The following LINC00632 variants were observed in gnomAD, a reference collection of about 807,000 sequenced individuals.
The protein encoded by LINC00632 is long independently transcribed non-coding RNA 632, also known as ALDOA related specific transcript.
intron 3 of LINC00632, among the ~76,000 whole-genome samples, chrX:140,748,890 A>T (rs199565902): frequency 2.1e-5 from 2 of 93,623 alleles, no homozygotes; most frequent in African/African-American, 7.5e-5. Context: ...AATATATAAA[A>T]TAAAATATAT....
At chrX:140,740,550 T>C (rs956755186) in intron 3 of LINC00632, among the ~76,000 whole-genome samples, 9 of 111,018 alleles carry the variant, frequency 8.1e-5, no homozygotes, top group Non-Finnish European at 1.5e-4. Context: ...TGAATGTTTT[T>C]TTTTTGCAAC....
rs1931459277 is a variant in LINC00632 at position 140,754,356 on chromosome X, G to T, written n.192-17722G>T. 2.7e-5 allele frequency among the ~76,000 whole-genome samples: 3 copies of T among 111,569 alleles called. No homozygotes were observed. In the South Asian group the frequency reaches 1.1e-3, roughly 42 times the overall value. Reference sequence around the variant, plus strand: ...CATAAAAAAAAAGACTTTGTTATATGAATGCCAGAAACTTGTGTACATCCA... The same window carrying T: ...CATAAAAAAAAAGACTTTGTTATATTAATGCCAGAAACTTGTGTACATCCA... On this transcript the variant is annotated intron_variant and non_coding_transcript_variant, in intron 3 of 4. Coordinates refer to ENST00000648200, the Ensembl canonical transcript of LINC00632.
chrX:140,784,669 C>T (rs1931990326), exon 5 of LINC00632: 1 of 356,700 alleles, frequency 2.8e-6, no homozygotes. Context: ...GGTATTCTAA[C>T]ATGTTCTATA....
At chrX:140,783,101 G>A (rs1452293434) in exon 5 of LINC00632, 5 of 120,274 alleles carry the variant, frequency 4.2e-5, no homozygotes, top group Non-Finnish European at 8.5e-5. Flanking sequence ...AATGTCCAGA[G>A]TAACCAATGT....
At chrX:140,727,204 C>G (rs1205431240) in intron 2 of LINC00632, among the ~76,000 whole-genome samples, 2 of 111,641 alleles carry the variant, frequency 1.8e-5, no homozygotes, top group Non-Finnish European at 3.8e-5. Flanking sequence ...TCCACACTAA[C>G]CACTCAACAC....
At chrX:140,751,554 T>C (rs1043939110) in intron 3 of LINC00632, among the ~76,000 whole-genome samples, 1 of 111,559 alleles carries the variant, frequency 9.0e-6, no homozygotes, top group Non-Finnish European at 1.9e-5. Flanking sequence ...TTCAGTGTCT[T>C]TCCATGGCTG....
chrX:140,790,818 GA>G (rs1932097625), exon 5 of LINC00632, among the ~76,000 whole-genome samples: 1 of 111,676 alleles, frequency 9.0e-6, no homozygotes, highest in African/African-American at 3.2e-5. Flanking sequence ...TTAGTGCATA[GA>G]AAAGCTATTT....
At chrX:140,717,642 A>T (rs1395568867) in intron 2 of LINC00632, among the ~76,000 whole-genome samples, 1 of 111,169 alleles carries the variant, frequency 9.0e-6, no homozygotes, top group African/African-American at 3.3e-5. Context: ...TCTAGTCTCA[A>T]CCCACATGAT....
Position 140,771,846 on chromosome X carries a change from AT to A in LINC00632, n.192-225del, listed in dbSNP as rs201454918. ...AGGCATGTGCCACCATGCCCAGCTA[AT>A]TTTTTTGCATTTTTAGTAGAGACGG... On this transcript the variant is annotated intron_variant and non_coding_transcript_variant, in intron 3 of 4. Coordinates refer to ENST00000648200, the Ensembl canonical transcript of LINC00632. 5.2e-3 allele frequency among the ~76,000 whole-genome samples: 544 copies of A among 104,776 alleles called. 6 individuals are homozygous for A. Among genetic ancestry groups the A allele is most frequent in the African/African-American group, 0.018 (517 of 28,910 alleles). 91.0% of individuals were successfully genotyped at this position (104,776 alleles called of 115,157 possible). A position where few individuals can be genotyped will look rare whatever the true frequency, so the allele number is the denominator to read the frequency against.
intron 2 of LINC00632, among the ~76,000 whole-genome samples, chrX:140,722,876 C>T (rs935054418): frequency 1.8e-5 from 2 of 110,280 alleles, no homozygotes; most frequent in Admixed American, 9.8e-5. Flanking sequence ...ATGGAGAAAC[C>T]CCGTCTCTAC....
chrX:140,785,375 T>A (rs752600687), exon 5 of LINC00632, among the ~76,000 whole-genome samples: 1 of 111,890 alleles, frequency 8.9e-6, no homozygotes, highest in South Asian at 3.7e-4. Flanking sequence ...AGAGGTGAAG[T>A]AAATTTTGTC....
chrX:140,752,255 G>A (rs185162524), intron 3 of LINC00632, among the ~76,000 whole-genome samples: 3 of 111,607 alleles, frequency 2.7e-5, no homozygotes, highest in East Asian at 2.8e-4. Flanking sequence ...AGTCAGTAGC[G>A]ACATCACAAA....
intron 3 of LINC00632, among the ~76,000 whole-genome samples, chrX:140,736,433 C>CTTTT (rs1569350901): frequency 1.2e-5 from 1 of 84,369 alleles, no homozygotes; most frequent in Non-Finnish European, 2.3e-5. Context: ...TTTTCTTCTT[C>CTTTT]TTCTTTTTTT....
At chrX:140,715,827 C>T (rs1392739513) in intron 2 of LINC00632, among the ~76,000 whole-genome samples, 1 of 111,543 alleles carries the variant, frequency 9.0e-6, no homozygotes, top group Non-Finnish European at 1.9e-5. Context: ...ATTCACCTAT[C>T]AATATACATA....
intron 2 of LINC00632, chrX:140,716,023 A>G (rs1042809303): frequency 8.9e-6 from 1 of 112,724 alleles, no homozygotes; most frequent in African/African-American, 3.2e-5. Flanking sequence ...ACAGAATTGC[A>G]TCATAACACA....
chrX:140,710,824 A>G (rs1450766315), intron 1 of LINC00632, among the ~76,000 whole-genome samples: 1 of 111,232 alleles, frequency 9.0e-6, no homozygotes, highest in African/African-American at 3.3e-5. Context: ...AAGATGGGCC[A>G]TTTTCCCAAG....
At chrX:140,740,561 GAGA>G (rs1363265752) in intron 3 of LINC00632, among the ~76,000 whole-genome samples, 2 of 109,427 alleles carry the variant, frequency 1.8e-5, no homozygotes, top group Non-Finnish European at 3.8e-5. Flanking sequence ...TTTTTGCAAC[GAGA>G]AGAATAAGAG....
At chrX:140,781,953 T>A (rs1273460920) in exon 5 of LINC00632, among the ~76,000 whole-genome samples, 2 of 111,962 alleles carry the variant, frequency 1.8e-5, no homozygotes, top group African/African-American at 6.5e-5. Flanking sequence ...GCCAAGCAGT[T>A]CTCTCGACCT....
intron 3 of LINC00632, among the ~76,000 whole-genome samples, chrX:140,763,175 C>T (rs1289935754): frequency 9.0e-6 from 1 of 111,592 alleles, no homozygotes. Flanking sequence ...GCGGGCAGAT[C>T]ACCTGAGGTC....
Sources: gnomAD v4.1 joint callset for allele counts (sites outside exome capture counted in the v4.1 genomes callset) on GRCh38, gnomAD v4.1.1 for gene constraint, MANE v1.5 for transcripts, NCBI Gene and HGNC (gene_info 2026-07-23, HGNC 2026-07-21) for gene names.